CADM1: variants seen among roughly 807,000 people sequenced by gnomAD.
CADM1 encodes TSLC-1.
CADM1 carries 15 observed loss-of-function variants against 53.1 expected under a neutral mutation model. The ratio of observed to expected loss-of-function variants is 0.28; its 90% CI spans 0.19 to 0.44. The LOEUF (loss-of-function observed/expected upper bound fraction) is 0.44. CADM1 is among the 20% of genes least tolerant of loss of function. The pLI is 1.00. For synonymous variants in CADM1, 281 were observed against 243.0 expected, an observed-to-expected ratio of 1.16 and a Z score of -1.45; for missense variants, 434 against 611.3, an observed-to-expected ratio of 0.71 and a Z score of 3.06.
intron 1 of CADM1, among the ~76,000 whole-genome samples, chr11:115,379,131 C>A (rs980426074): frequency 6.6e-5 from 10 of 152,240 alleles, no homozygotes; most frequent in Admixed American, 2.0e-4. Context: ...GTATAATATT[C>A]TAATTAAATT....
At chr11:115,329,450 CA>C (rs909162066) in intron 1 of CADM1, among the ~76,000 whole-genome samples, 2 of 152,126 alleles carry the variant, frequency 1.3e-5, no homozygotes, top group African/African-American at 4.8e-5. Context: ...ACCCCCCTCA[CA>C]AGACATGCAA....
chr11:115,396,052 T>C (rs1435399340), intron 1 of CADM1, among the ~76,000 whole-genome samples: 14 of 152,166 alleles, frequency 9.2e-5, no homozygotes, highest in Admixed American at 9.2e-4. Flanking sequence ...ACCTAGATTA[T>C]TTTTATGCCA....
intron 1 of CADM1, among the ~76,000 whole-genome samples, chr11:115,343,973 T>C (rs1355124065): frequency 6.6e-6 from 1 of 152,168 alleles, no homozygotes; most frequent in African/African-American, 2.4e-5. Flanking sequence ...TGGTAATTAA[T>C]AAACAAGGTA....
At chr11:115,433,425 CA>C (rs1948105608) in intron 1 of CADM1, among the ~76,000 whole-genome samples, 1 of 152,290 alleles carries the variant, frequency 6.6e-6, no homozygotes, top group Middle Eastern at 3.4e-3. Flanking sequence ...TATCATCCAG[CA>C]TGACTAAATC....
chr11:115,318,546 A>T (rs1437973864), intron 1 of CADM1, among the ~76,000 whole-genome samples: 1 of 152,202 alleles, frequency 6.6e-6, no homozygotes, highest in Non-Finnish European at 1.5e-5. Context: ...GGCGGAATCA[A>T]GATTAAGCTT....
chr11:115,390,640 G>C (rs948374207), intron 1 of CADM1, among the ~76,000 whole-genome samples: 1 of 149,810 alleles, frequency 6.7e-6, no homozygotes, highest in East Asian at 2.0e-4. Context: ...ATAGGTTCCC[G>C]GAGTCACCAG....
intron 11 of CADM1, among the ~76,000 whole-genome samples, chr11:115,177,870 C>G (rs778845549): frequency 2.6e-5 from 4 of 152,132 alleles, no homozygotes; most frequent in Non-Finnish European, 5.9e-5. Context: ...AACCCAAGTT[C>G]AACAGTCAAG....
chr11:115,195,223 C>A (rs1940088942), intron 9 of CADM1, among the ~76,000 whole-genome samples: 1 of 152,120 alleles, frequency 6.6e-6, no homozygotes. Flanking sequence ...TGGAGAAAAT[C>A]CACTTGATTT....
At chr11:115,453,369 C>G (rs868834303) in intron 1 of CADM1, among the ~76,000 whole-genome samples, 1 of 146,878 alleles carries the variant, frequency 6.8e-6, no homozygotes, top group Non-Finnish European at 1.5e-5. Context: ...CTATACCCCC[C>G]TCGCCCCCAA....
intron 1 of CADM1, among the ~76,000 whole-genome samples, chr11:115,342,115 G>A (rs958134652): frequency 2.6e-5 from 4 of 152,116 alleles, no homozygotes. Flanking sequence ...CATTTGTCCT[G>A]TCACTGAAAA....
At chr11:115,208,189 T>C (rs2134727514) in intron 8 of CADM1, among the ~76,000 whole-genome samples, 1 of 152,338 alleles carries the variant, frequency 6.6e-6, no homozygotes, top group South Asian at 2.1e-4. Flanking sequence ...GAGTGAGACA[T>C]GAAAACCAAC....
intron 1 of CADM1, among the ~76,000 whole-genome samples, chr11:115,340,626 T>TTATATATATATATATATA (rs869156485): frequency 1.9e-4 from 9 of 48,248 alleles, no homozygotes; most frequent in African/African-American, 3.8e-4. Flanking sequence ...ATAATAAATA[T>TTATATATATATATATATA]TATATATATA....
chr11:115,237,370 T>C (rs991489709), intron 3 of CADM1, among the ~76,000 whole-genome samples: 39 of 152,206 alleles, frequency 2.6e-4, no homozygotes, highest in Non-Finnish European at 5.0e-4. Flanking sequence ...CTTTCTAAAA[T>C]TGATACTCCT....
intron 2 of CADM1, 66 bp downstream of exon 2, chr11:115,240,208 T>A: frequency 6.6e-6 from 10 of 1,512,258 alleles, no homozygotes; most frequent in Non-Finnish European, 9.1e-6. Flanking sequence ...GCCTTAGCAA[T>A]CTCTTTATCA....
intron 1 of CADM1, among the ~76,000 whole-genome samples, chr11:115,360,527 G>A (rs911993294): frequency 3.9e-5 from 6 of 152,176 alleles, no homozygotes; most frequent in African/African-American, 1.4e-4. Flanking sequence ...AGGCATGCAG[G>A]TTAAGCGACT....
intron 1 of CADM1, among the ~76,000 whole-genome samples, chr11:115,448,495 C>T (rs572338702): frequency 3.9e-5 from 6 of 152,088 alleles, no homozygotes; most frequent in Admixed American, 1.3e-4. Context: ...CAAGGATATT[C>T]CCAAAATGAT....
Position 115,295,549 on chromosome 11 carries a change from T to TATATATATAA in CADM1, c.125-55130_125-55129insTTATATATAT, listed in dbSNP as rs1242865488. Among the ~76,000 whole-genome samples the TATATATATAA allele has an allele frequency of 3.3e-4, 17 of 51,734 alleles. No homozygotes were observed. The East Asian group carries it at 9.1e-3, about 28-fold the overall frequency. 33.9% of individuals were successfully genotyped at this position (51,734 alleles called of 152,430 possible). A position where few individuals can be genotyped will look rare whatever the true frequency, so the allele number is the denominator to read the frequency against. On this transcript the variant is annotated intron_variant, in intron 1 of 11. Coordinates refer to ENST00000331581, the MANE Select transcript of CADM1 (RefSeq NM_001301043.2). ...ATATATATATATATATATATATATATAATATATATGTATATGCACATATAT... is the reference window on the plus strand; with the variant it reads ...ATATATATATATATATATATATATATATATATATAAAATATATATGTATATGCACATATAT...
chr11:115,328,706 A>ATACATATATATACGCG (rs1366307367), intron 1 of CADM1, among the ~76,000 whole-genome samples: 1 of 30,888 alleles, frequency 3.2e-5, no homozygotes, highest in African/African-American at 1.7e-4. Context: ...ATATATGTAT[A>ATACATATATATACGCG]TATATATGTG....
At chr11:115,226,965 A>G (rs1364880778) in intron 5 of CADM1, among the ~76,000 whole-genome samples, 4 of 152,206 alleles carry the variant, frequency 2.6e-5, no homozygotes, top group Non-Finnish European at 5.9e-5. Flanking sequence ...AAGATATCAA[A>G]CCAGATGCGA....
Sources: gnomAD v4.1 joint callset for allele counts (sites outside exome capture counted in the v4.1 genomes callset) on GRCh38, gnomAD v4.1.1 for gene constraint, MANE v1.5 for transcripts, NCBI Gene and HGNC (gene_info 2026-07-23, HGNC 2026-07-21) for gene names.